NMRK1: variants seen among roughly 807,000 people sequenced by gnomAD.
NMRK1 encodes nicotinamide riboside kinase 1.
In NMRK1, 28 loss-of-function variants were observed where a neutral mutation model predicts 29.9. The observed-to-expected ratio is 0.94, with a 90% CI of 0.69 to 1.28. NMRK1 has a LOEUF of 1.28. Ranked by LOEUF, NMRK1 falls within the 50% of genes most tolerant of loss-of-function variation. NMRK1 has a pLI of 0.00. For missense variants in NMRK1, 218 were observed against 233.1 expected (o/e 0.94, Z 0.42); for synonymous variants, 58 against 73.0 (o/e 0.79, Z 1.05).
At chr9:75,079,082 T>A (rs1824171920) in intron 2 of NMRK1, among the ~76,000 whole-genome samples, 1 of 152,198 alleles carries the variant, frequency 6.6e-6, no homozygotes, top group East Asian at 1.9e-4. Context: ...ATGAGATCAA[T>A]CCACAAATAC....
Position 75,074,598 on chromosome 9 carries a change from G to C in NMRK1, c.169+2561C>G, listed in dbSNP as rs183300426. On this transcript the variant is annotated intron_variant, in intron 4 of 8. Transcript: ENST00000361092. ...GACAGGGTTTTGCCATGTTGCTCAGGCTGGTCTTGAACCCCTTGGACTCAA... is the reference window on the plus strand; with the variant it reads ...GACAGGGTTTTGCCATGTTGCTCAGCCTGGTCTTGAACCCCTTGGACTCAA... 2.6e-3 allele frequency among the ~76,000 whole-genome samples: 401 copies of C among 152,120 alleles called. 2 individuals carry two copies. The highest frequency in any genetic ancestry group is 0.016 in the Admixed American group (248 of 15,250).
intron 6 of NMRK1, chr9:75,069,457 C>T: frequency 2.1e-6 from 1 of 480,306 alleles, no homozygotes; most frequent in East Asian, 3.9e-5. Flanking sequence ...GCAGAACAGG[C>T]TCACTTACAT....
At chr9:75,081,483 A>G (rs1362629646) in intron 2 of NMRK1, among the ~76,000 whole-genome samples, 1 of 152,232 alleles carries the variant, frequency 6.6e-6, no homozygotes, top group Non-Finnish European at 1.5e-5. Context: ...AGTGGAAAGA[A>G]GGCTTTCTTA....
chr9:75,078,005 C>A (rs551865597), intron 2 of NMRK1, among the ~76,000 whole-genome samples: 1 of 152,246 alleles, frequency 6.6e-6, no homozygotes, highest in African/African-American at 2.4e-5. Context: ...AAAATGATTT[C>A]TTTCATAGAT....
intron 1 of NMRK1, among the ~76,000 whole-genome samples, chr9:75,084,161 G>A (rs1824482616): frequency 6.6e-6 from 1 of 152,214 alleles, no homozygotes; most frequent in Non-Finnish European, 1.5e-5. Flanking sequence ...CACAGCTGGA[G>A]GGAATCTTAG....
At chr9:75,061,625 TCTTTACATCAACAA>T in intron 8 of NMRK1, 58 bp from the exon 9 acceptor site, 1 of 1,361,138 alleles carries the variant, frequency 7.3e-7, no homozygotes, top group Non-Finnish European at 1.0e-6. Flanking sequence ...TTTTATTAAA[TCTTTACATCAACAA>T]CAGTAAATCT....
intron 8 of NMRK1, among the ~76,000 whole-genome samples, chr9:75,062,085 A>C (rs988813902): frequency 2.0e-5 from 3 of 152,196 alleles, no homozygotes; most frequent in Non-Finnish European, 4.4e-5. Flanking sequence ...AAAATGTAAA[A>C]ATGATTACAT....
chr9:75,061,844 C>G (rs1823038723), intron 8 of NMRK1, among the ~76,000 whole-genome samples: 1 of 152,154 alleles, frequency 6.6e-6, no homozygotes, highest in African/African-American at 2.4e-5. Context: ...AGTTTGAAGA[C>G]TAGAATAAAA....
Position 75,065,262 on chromosome 9 carries a change from G to A in NMRK1, c.580+1495C>T, listed in dbSNP as rs75922359. Among the ~76,000 whole-genome samples the A allele has an allele frequency of 3.8e-3, 575 of 152,112 alleles. 2 individuals are homozygous for A. The highest frequency in any genetic ancestry group is 0.013 in the African/African-American group (521 of 41,522). On this transcript the variant is annotated intron_variant, in intron 8 of 8. Coordinates refer to ENST00000361092, the MANE Select transcript of NMRK1 (RefSeq NM_017881.3). ...TTAGCTCACTGCAATGTCTGCCCCC[G>A]GAGTTCAAGAGATTCCCCTGCCTCA... is the stretch of plus-strand genomic sequence containing the variant.
intron 4 of NMRK1, among the ~76,000 whole-genome samples, chr9:75,071,199 G>T (rs1823679898): frequency 6.6e-6 from 1 of 151,732 alleles, no homozygotes; most frequent in South Asian, 2.1e-4. Flanking sequence ...ATTCTCTGTT[G>T]TTCAGATTGA....
chr9:75,082,594 A>G (rs1824381970), intron 2 of NMRK1: 1 of 154,920 alleles, frequency 6.5e-6, no homozygotes, highest in East Asian at 1.9e-4. Context: ...AACATGTTTG[A>G]GAGAAAGAGA....
Position 75,086,122 on chromosome 9 carries a change from C to T in NMRK1, c.-36+1886G>A, listed in dbSNP as rs76078861. On this transcript the variant is annotated intron_variant, in intron 1 of 8. Coordinates refer to ENST00000361092, the MANE Select transcript of NMRK1 (RefSeq NM_017881.3). ...GCTGCAGTGAGCCATGACTGTGCCA[C>T]TGCATTGCAGCCTTGGTGACACAGC... Among the ~76,000 whole-genome samples, 643 of 152,184 alleles carry T rather than the reference C, an allele frequency of 4.2e-3. 6 individuals carry two copies. Among genetic ancestry groups the T allele is most frequent in the African/African-American group, 0.015 (605 of 41,526 alleles).
In NMRK1 at chr9:75,067,865, G is replaced by C. The variant is rs187358211; in HGVS notation, c.497-1025C>G. Among the ~76,000 whole-genome samples the C allele has an allele frequency of 1.9e-3, 285 of 152,244 alleles. 1 individual carries two copies. Among genetic ancestry groups the C allele is most frequent in the Admixed American group, 3.8e-3 (58 of 15,292 alleles). On this transcript the variant is annotated intron_variant, in intron 7 of 8. Coordinates refer to ENST00000361092, the MANE Select transcript of NMRK1 (RefSeq NM_017881.3). ...AACAGGCTTCTCACAACACAGACAA[G>C]TCCCCTTTATTGTGAAAAGCATACA...
chr9:75,067,422 A>C (rs62569647), intron 7 of NMRK1, among the ~76,000 whole-genome samples: 3,498 of 152,210 alleles, frequency 0.023, 55 homozygotes, highest in African/African-American at 0.045. Context: ...GAAAAAGTAG[A>C]AGTTGTCTAG....
At position 75,060,889 on chromosome 9, in the gene NMRK1, ACACACACACTC is replaced by A. The variant is rs910291903; in HGVS notation, c.*648_*658del. On this transcript the variant is annotated 3_prime_UTR_variant, in exon 9 of 9. Coordinates refer to ENST00000361092, the MANE Select transcript of NMRK1 (RefSeq NM_017881.3). ...CACACACACACACACACACACACAC[ACACACACACTC>A]AACAAAATACACAAATAATCCTAGA... 6.6e-6 allele frequency: 1 copy of A among 151,178 alleles called. No homozygotes were observed. The highest frequency in any genetic ancestry group is 1.5e-5 in the Non-Finnish European group (1 of 67,696). 9.4% of individuals were successfully genotyped at this position (151,178 alleles called of 1,614,324 possible).
chr9:75,063,499 T>G (rs2117978089), intron 8 of NMRK1, among the ~76,000 whole-genome samples: 1 of 152,250 alleles, frequency 6.6e-6, no homozygotes, highest in Admixed American at 6.5e-5. Context: ...AATAATTAAA[T>G]TTTGCCTCAT....
Position 75,061,448 on chromosome 9 carries a change from G to A in NMRK1, c.*100C>T. ...AAATCAAACATATGAAACAATGGCT[G>A]TCATTGTACCACAGTATACATTGTA... On this transcript the variant is annotated 3_prime_UTR_variant, in exon 9 of 9. Coordinates refer to ENST00000361092, the MANE Select transcript of NMRK1 (RefSeq NM_017881.3). 6 of 871,596 alleles carry A rather than the reference G, an allele frequency of 6.9e-6. No homozygotes were observed. Among genetic ancestry groups the A allele is most frequent in the Non-Finnish European group, 1.1e-5 (6 of 536,568 alleles). The allele number at this position is 871,596 out of a possible 1,614,324, so 54.0% of individuals were successfully genotyped here.
At chr9:75,067,463 A>C (rs954716010) in intron 7 of NMRK1, among the ~76,000 whole-genome samples, 1 of 152,208 alleles carries the variant, frequency 6.6e-6, no homozygotes. Context: ...TTCTGGTCAG[A>C]AAACAGCATG....
At chr9:75,081,124 A>G (rs1241562134) in intron 2 of NMRK1, among the ~76,000 whole-genome samples, 1 of 152,224 alleles carries the variant, frequency 6.6e-6, no homozygotes, top group Non-Finnish European at 1.5e-5. Flanking sequence ...GTTATTTGCA[A>G]TTGAATAATT....
Sources: gnomAD v4.1 joint callset for allele counts (sites outside exome capture counted in the v4.1 genomes callset) on GRCh38, gnomAD v4.1.1 for gene constraint, MANE v1.5 for transcripts, NCBI Gene and HGNC (gene_info 2026-07-23, HGNC 2026-07-21) for gene names.